Variants in XPR1 observed in about 807,000 individuals in gnomAD.
The protein encoded by XPR1 is solute carrier family 53 member 1.
A neutral mutation model predicts 87.5 loss-of-function variants in XPR1; 28 were observed. The observed-to-expected ratio is 0.32, with a 90% CI of 0.24 to 0.44. XPR1 has a LOEUF of 0.44. Ranked by LOEUF, XPR1 falls within the 20% of genes least tolerant of loss-of-function variation. The pLI is 1.00. For missense variants in XPR1, 559 were observed against 862.3 expected, an observed-to-expected ratio of 0.65 and a Z score of 4.41; for synonymous variants, 300 against 306.1, an observed-to-expected ratio of 0.98 and a Z score of 0.21.
At chr1:180,704,066 GT>G (rs1657457791) in intron 2 of XPR1, among the ~76,000 whole-genome samples, 1 of 151,090 alleles carries the variant, frequency 6.6e-6, no homozygotes, top group Admixed American at 6.6e-5. Context: ...GCTTATTCAG[GT>G]TTTTTGTTTT....
chr1:180,731,449 G>A (rs1375793882), intron 2 of XPR1, among the ~76,000 whole-genome samples: 4 of 152,168 alleles, frequency 2.6e-5, no homozygotes, highest in Non-Finnish European at 5.9e-5. Context: ...ACTAGGGAGT[G>A]ACAAGGAGGC....
chr1:180,683,895 T>C (rs1041254341), intron 2 of XPR1, among the ~76,000 whole-genome samples: 1 of 152,158 alleles, frequency 6.6e-6, no homozygotes, highest in African/African-American at 2.4e-5. Flanking sequence ...GCAAAAATTT[T>C]CTCCCATTCT....
Position 180,728,881 on chromosome 1 carries a change from A to G in XPR1, c.121+46470A>G, listed in dbSNP as rs1571773645. Among the ~76,000 whole-genome samples, 3 of 152,208 alleles carry G rather than the reference A, an allele frequency of 2.0e-5. No homozygotes were observed. The East Asian group carries it at 5.8e-4, about 29-fold the overall frequency. On this transcript the variant is annotated intron_variant, in intron 2 of 14. Coordinates refer to ENST00000367590, the MANE Select transcript of XPR1 (RefSeq NM_004736.4). ...TTTTGTGGAATGTTTAGGTTCAGAG[A>G]TACATGTACAGGCTTGTGATATGTG...
intron 3 of XPR1, among the ~76,000 whole-genome samples, chr1:180,797,421 T>C (rs1649628033): frequency 6.6e-6 from 1 of 152,004 alleles, no homozygotes; most frequent in South Asian, 2.1e-4. Flanking sequence ...GCAAAACGAG[T>C]AAGGAGTTTT....
intron 9 of XPR1, among the ~76,000 whole-genome samples, chr1:180,833,517 A>AC (rs1651153565): frequency 6.6e-6 from 1 of 151,218 alleles, no homozygotes; most frequent in Non-Finnish European, 1.5e-5. Flanking sequence ...AAAAAAACAC[A>AC]AAAAAAACAG....
chr1:180,826,244 C>T (rs1243984750), intron 9 of XPR1, among the ~76,000 whole-genome samples: 2 of 152,052 alleles, frequency 1.3e-5, no homozygotes, highest in Admixed American at 6.6e-5. Flanking sequence ...GTAAATTGAG[C>T]CAGCTCTTTT....
chr1:180,837,651 G>A (rs558414711), intron 11 of XPR1, among the ~76,000 whole-genome samples: 50 of 152,192 alleles, frequency 3.3e-4, no homozygotes, highest in African/African-American at 1.0e-3. Flanking sequence ...TAGATTCTGT[G>A]GTTGGAGTAG....
intron 11 of XPR1, among the ~76,000 whole-genome samples, chr1:180,839,622 A>G (rs145108819): frequency 1.3e-5 from 2 of 152,320 alleles, no homozygotes; most frequent in East Asian, 1.9e-4. Context: ...TGCAAATGAA[A>G]TTGACAACAG....
At chr1:180,678,655 A>C (rs1656447232) in intron 1 of XPR1, among the ~76,000 whole-genome samples, 1 of 152,198 alleles carries the variant, frequency 6.6e-6, no homozygotes, top group Non-Finnish European at 1.5e-5. Flanking sequence ...ACATTGGTTA[A>C]AATGAACAAA....
chr1:180,702,092 C>G lies in XPR1; in HGVS notation c.121+19681C>G, dbSNP rs562064862. 3.7e-3 allele frequency among the ~76,000 whole-genome samples: 273 copies of G among 73,674 alleles called. 8 individuals carry two copies. Among genetic ancestry groups the G allele is most frequent in the African/African-American group, 0.018 (257 of 13,954 alleles). The allele number at this position is 73,674 out of a possible 152,430, so 48.3% of individuals were successfully genotyped here. On this transcript the variant is annotated intron_variant, in intron 2 of 14. Transcript: ENST00000367590. ...GGCATTTAGTGCTATAAATTTCCCTCTACACGCTGCTTTGAATGCGTCCCA... is the reference window on the plus strand; with the variant it reads ...GGCATTTAGTGCTATAAATTTCCCTGTACACGCTGCTTTGAATGCGTCCCA...
At chr1:180,679,892 G>T (rs1168218773) in intron 1 of XPR1, among the ~76,000 whole-genome samples, 2 of 151,978 alleles carry the variant, frequency 1.3e-5, no homozygotes, top group Non-Finnish European at 2.9e-5. Flanking sequence ...AAATAAATGG[G>T]TTTATGTCAA....
chr1:180,674,085 T>C (rs1656284495), intron 1 of XPR1, among the ~76,000 whole-genome samples: 1 of 152,262 alleles, frequency 6.6e-6, no homozygotes, highest in Non-Finnish European at 1.5e-5. Flanking sequence ...CTAAGTGTTA[T>C]GCATGTATGA....
intron 2 of XPR1, among the ~76,000 whole-genome samples, chr1:180,722,989 C>T (rs1248197978): frequency 2.0e-5 from 3 of 152,054 alleles, no homozygotes; most frequent in Non-Finnish European, 4.4e-5. Context: ...AGCAGGTGTC[C>T]ACTATATATT....
intron 11 of XPR1, among the ~76,000 whole-genome samples, chr1:180,853,193 A>T (rs565539434): frequency 6.6e-6 from 1 of 152,216 alleles, no homozygotes; most frequent in South Asian, 2.1e-4. Context: ...CTCCCAAATT[A>T]CTGGGATTAT....
chr1:180,810,559 A>G (rs1650170055), intron 6 of XPR1, among the ~76,000 whole-genome samples: 1 of 151,930 alleles, frequency 6.6e-6, no homozygotes, highest in African/African-American at 2.4e-5. Flanking sequence ...AGCCTAGGCG[A>G]TAGGACGAGA....
At chr1:180,790,844 A>G (rs992543927) in intron 3 of XPR1, among the ~76,000 whole-genome samples, 3 of 152,148 alleles carry the variant, frequency 2.0e-5, no homozygotes, top group African/African-American at 7.2e-5. Flanking sequence ...CACAGCCAAA[A>G]TATAAATATT....
At chr1:180,660,954 T>C (rs1655752074) in intron 1 of XPR1, among the ~76,000 whole-genome samples, 1 of 152,214 alleles carries the variant, frequency 6.6e-6, no homozygotes, top group African/African-American at 2.4e-5. Context: ...TGTTGAGATC[T>C]CCAGTTCTTA....
At chr1:180,752,578 T>G (rs1457489783) in intron 2 of XPR1, among the ~76,000 whole-genome samples, 2 of 152,164 alleles carry the variant, frequency 1.3e-5, no homozygotes, top group Non-Finnish European at 2.9e-5. Context: ...TTGGAGATTT[T>G]AGGAATTTTT....
intron 2 of XPR1, among the ~76,000 whole-genome samples, chr1:180,775,750 C>T (rs1042370756): frequency 1.3e-5 from 2 of 152,072 alleles, no homozygotes; most frequent in African/African-American, 4.8e-5. Context: ...TTGAAACTGT[C>T]ATCTGTATAC....
Sources: allele counts gnomAD v4.1 joint callset (sites outside exome capture counted in the v4.1 genomes callset), GRCh38; gene constraint gnomAD v4.1.1; transcripts MANE v1.5; gene names NCBI Gene and HGNC (gene_info 2026-07-23, HGNC 2026-07-21).